CADPS2: variants seen among roughly 807,000 people sequenced by gnomAD.
CADPS2 encodes the protein calcium dependent secretion activator 2, also known as calcium-dependent secretion activator 2.
In CADPS2, 93 loss-of-function variants were observed where a neutral mutation model predicts 172.5. That is an observed-to-expected ratio of 0.54 (90% CI 0.46 to 0.64). The LOEUF is 0.64. Ranked by LOEUF, CADPS2 falls within the 30% of genes least tolerant of loss-of-function variation. CADPS2 has a pLI of 0.00. For synonymous variants in CADPS2, 546 were observed against 555.2 expected (o/e 0.98, Z 0.23); for missense variants, 1,420 against 1,565.9 (o/e 0.91, Z 1.57).
At chr7:122,320,638 A>G (rs1033028258) in intron 29 of CADPS2, among the ~76,000 whole-genome samples, 1 of 152,230 alleles carries the variant, frequency 6.6e-6, no homozygotes, top group African/African-American at 2.4e-5. Flanking sequence ...AACAACCTGT[A>G]GCAAAAATAA....
At chr7:122,809,555 G>A (rs188813390) in intron 1 of CADPS2, among the ~76,000 whole-genome samples, 53 of 150,294 alleles carry the variant, frequency 3.5e-4, no homozygotes, top group Admixed American at 3.5e-3. Context: ...ACTCCAGCCT[G>A]GGCAATAGAG....
At chr7:122,776,591 A>C (rs1031371939) in intron 1 of CADPS2, among the ~76,000 whole-genome samples, 1 of 152,068 alleles carries the variant, frequency 6.6e-6, no homozygotes, top group African/African-American at 2.4e-5. Flanking sequence ...AAAAACAAAC[A>C]AACAAACAAA....
intron 1 of CADPS2, among the ~76,000 whole-genome samples, chr7:122,860,458 C>T (rs1240318843): frequency 6.6e-6 from 1 of 152,076 alleles, no homozygotes; most frequent in African/African-American, 2.4e-5. Context: ...TTGTCTCAAA[C>T]TCCTGGCCTC....
intron 28 of CADPS2, among the ~76,000 whole-genome samples, chr7:122,328,193 C>T (rs933551847): frequency 6.6e-6 from 1 of 151,254 alleles, no homozygotes; most frequent in African/African-American, 2.4e-5. Context: ...CAATGAAAGC[C>T]ACCAGACAGA....
chr7:122,762,505 G>A (rs2093421913), intron 1 of CADPS2, among the ~76,000 whole-genome samples: 1 of 152,104 alleles, frequency 6.6e-6, no homozygotes, highest in African/African-American at 2.4e-5. Flanking sequence ...ACTAAGAACA[G>A]AGAAAAGACT....
chr7:122,472,850 G>A (rs2056157216), intron 13 of CADPS2, among the ~76,000 whole-genome samples: 1 of 152,030 alleles, frequency 6.6e-6, no homozygotes, highest in Admixed American at 6.6e-5. Flanking sequence ...GTGTCAGCGT[G>A]GCAATAAATT....
At chr7:122,659,310 T>TAG (rs1554699180) in intron 3 of CADPS2, among the ~76,000 whole-genome samples, 5 of 129,140 alleles carry the variant, frequency 3.9e-5, no homozygotes, top group Admixed American at 7.9e-5. Context: ...ATGCTAGACA[T>TAG]AAAAAAAAAA....
At chr7:122,448,344 C>A (rs2152016228) in intron 15 of CADPS2, among the ~76,000 whole-genome samples, 1 of 152,266 alleles carries the variant, frequency 6.6e-6, no homozygotes, top group South Asian at 2.1e-4. Flanking sequence ...GAAACCTCCC[C>A]TACCATCCAA....
chr7:122,503,103 C>T (rs2059345900), intron 9 of CADPS2, among the ~76,000 whole-genome samples: 1 of 147,522 alleles, frequency 6.8e-6, no homozygotes, highest in Non-Finnish European at 1.5e-5. Context: ...ACTATCTCGG[C>T]TCACTGTAAC....
intron 14 of CADPS2, among the ~76,000 whole-genome samples, chr7:122,468,527 A>G (rs557715264): frequency 7.2e-5 from 11 of 152,190 alleles, no homozygotes; most frequent in Non-Finnish European, 1.6e-4. Context: ...TCATCTCACA[A>G]TTTACATCCT....
intron 7 of CADPS2, among the ~76,000 whole-genome samples, chr7:122,578,597 T>G (rs1176578580): frequency 6.6e-6 from 1 of 152,134 alleles, no homozygotes; most frequent in Non-Finnish European, 1.5e-5. Flanking sequence ...GCATATCTAA[T>G]GTGCAGGGCC....
intron 1 of CADPS2, among the ~76,000 whole-genome samples, chr7:122,805,386 C>T (rs1358916197): frequency 1.3e-5 from 2 of 152,090 alleles, no homozygotes; most frequent in Non-Finnish European, 2.9e-5. Context: ...TCTCAATCTC[C>T]TGACCTAGTG....
intron 27 of CADPS2, among the ~76,000 whole-genome samples, chr7:122,347,501 G>A (rs2037861941): frequency 6.6e-6 from 1 of 152,038 alleles, no homozygotes; most frequent in African/African-American, 2.4e-5. Flanking sequence ...ATAAATTCAA[G>A]GATCCTTTCA....
At chr7:122,869,856 G>A (rs894145945) in intron 1 of CADPS2, among the ~76,000 whole-genome samples, 1 of 152,044 alleles carries the variant, frequency 6.6e-6, no homozygotes, top group Non-Finnish European at 1.5e-5. Context: ...TATAGAGTTT[G>A]TGCAAGCGAT....
At chr7:122,546,005 C>T (rs2063580104) in intron 8 of CADPS2, among the ~76,000 whole-genome samples, 1 of 152,006 alleles carries the variant, frequency 6.6e-6, no homozygotes, top group South Asian at 2.1e-4. Context: ...TTTTTTAAAT[C>T]ATGAGAATAA....
chr7:122,858,769 AT>A (rs1488186970), intron 1 of CADPS2, among the ~76,000 whole-genome samples: 3 of 152,242 alleles, frequency 2.0e-5, no homozygotes, highest in Admixed American at 1.3e-4. Flanking sequence ...GGACATCAAT[AT>A]GTAACTCTAA....
At chr7:122,430,345 A>G (rs1429587077) in intron 17 of CADPS2, among the ~76,000 whole-genome samples, 1 of 152,220 alleles carries the variant, frequency 6.6e-6, no homozygotes, top group South Asian at 2.1e-4. Flanking sequence ...AATATGCTAT[A>G]TAATTTTCAG....
rs970645454 is a variant in CADPS2 at position 122,640,469 on chromosome 7, A to T, written c.787-11141T>A. Among the ~76,000 whole-genome samples the T allele has an allele frequency of 5.0e-5, 7 of 141,358 alleles. 1 individual carries two copies. The East Asian group carries it at 1.4e-3, about 27-fold the overall frequency. 92.7% of individuals were successfully genotyped at this position (141,358 alleles called of 152,430 possible). A position where few individuals can be genotyped will look rare whatever the true frequency, so the allele number is the denominator to read the frequency against. On this transcript the variant is annotated intron_variant, in intron 3 of 29. Coordinates refer to ENST00000449022, the MANE Select transcript of CADPS2 (RefSeq NM_017954.11). ...TAAGTGGTTGTGTGTGCACACACAT[A>T]TACACACACACACACACACACAGAG...
intron 2 of CADPS2, among the ~76,000 whole-genome samples, chr7:122,703,759 A>T (rs1387025725): frequency 6.6e-6 from 1 of 152,098 alleles, no homozygotes; most frequent in Non-Finnish European, 1.5e-5. Context: ...CAAGAGAATG[A>T]GCTTAGGCAA....
Sources: gnomAD v4.1 joint callset for allele counts (sites outside exome capture counted in the v4.1 genomes callset) on GRCh38, gnomAD v4.1.1 for gene constraint, MANE v1.5 for transcripts, NCBI Gene and HGNC (gene_info 2026-07-23, HGNC 2026-07-21) for gene names.